The following NEK7 variants were observed in gnomAD, a reference collection of about 807,000 sequenced individuals.
NEK7 encodes NIMA related kinase 7.
In NEK7, 18 loss-of-function variants were observed where a neutral mutation model predicts 44.6. The ratio of observed to expected loss-of-function variants is 0.40; its 90% CI spans 0.28 to 0.60. The LOEUF is 0.60. Ranked by LOEUF, NEK7 falls within the 20% of genes least tolerant of loss-of-function variation. The probability of loss-of-function intolerance (pLI) is 0.38; values close to 1 mark genes in which losing one functional copy is unlikely to be tolerated. For synonymous variants in NEK7, 130 were observed against 121.1 expected, an observed-to-expected ratio of 1.07 and a Z score of -0.48; for missense variants, 256 against 366.5, an observed-to-expected ratio of 0.70 and a Z score of 2.46.
chr1:198,216,850 TTA>T (rs1226060972), intron 1 of NEK7, among the ~76,000 whole-genome samples: 1 of 151,828 alleles, frequency 6.6e-6, no homozygotes, highest in Non-Finnish European at 1.5e-5. Context: ...AAATTGATAA[TTA>T]TCAATTTCCT....
At chr1:198,250,364 C>G (rs1340460550) in intron 2 of NEK7, among the ~76,000 whole-genome samples, 1 of 152,072 alleles carries the variant, frequency 6.6e-6, no homozygotes, top group Non-Finnish European at 1.5e-5. Context: ...GCGATGCGGG[C>G]TCTTTTTTGG....
chr1:198,318,298 C>T (rs1289678681), intron 9 of NEK7, among the ~76,000 whole-genome samples: 1 of 152,296 alleles, frequency 6.6e-6, no homozygotes, highest in Non-Finnish European at 1.5e-5. Context: ...TTTCACTGTA[C>T]TCCTTACCAA....
chr1:198,190,074 A>G (rs1665030326), intron 1 of NEK7, among the ~76,000 whole-genome samples: 1 of 152,150 alleles, frequency 6.6e-6, no homozygotes, highest in South Asian at 2.1e-4. Flanking sequence ...TATTTGAAAC[A>G]CATGAAACAG....
At chr1:198,195,226 C>T (rs909304739) in intron 1 of NEK7, among the ~76,000 whole-genome samples, 2 of 152,014 alleles carry the variant, frequency 1.3e-5, no homozygotes, top group East Asian at 1.9e-4. Context: ...CAATAACTGA[C>T]ATGTAAGTAC....
chr1:198,303,357 G>A (rs1174071054), intron 9 of NEK7, among the ~76,000 whole-genome samples: 2 of 151,810 alleles, frequency 1.3e-5, no homozygotes, highest in African/African-American at 2.4e-5. Flanking sequence ...GTTTCAAACC[G>A]AATATTTATA....
chr1:198,219,757 A>G (rs1666032874), intron 1 of NEK7, among the ~76,000 whole-genome samples: 1 of 152,012 alleles, frequency 6.6e-6, no homozygotes, highest in South Asian at 2.1e-4. Flanking sequence ...TATTTTTGGC[A>G]GGAATATCAC....
chr1:198,291,148 G>C (rs1418236626), intron 7 of NEK7, among the ~76,000 whole-genome samples: 1 of 152,118 alleles, frequency 6.6e-6, no homozygotes, highest in Non-Finnish European at 1.5e-5. Flanking sequence ...CAGAGCTACT[G>C]GTTAAAATTA....
intron 9 of NEK7, among the ~76,000 whole-genome samples, chr1:198,315,330 C>T (rs1244928724): frequency 6.6e-6 from 1 of 152,230 alleles, no homozygotes; most frequent in East Asian, 1.9e-4. Flanking sequence ...CCTGCGCCCA[C>T]TGTCTGGCAC....
At chr1:198,184,662 A>T (rs1571509820) in intron 1 of NEK7, among the ~76,000 whole-genome samples, 1 of 152,062 alleles carries the variant, frequency 6.6e-6, no homozygotes, top group East Asian at 1.9e-4. Flanking sequence ...ACTTCCATTA[A>T]TGAAATCACA....
chr1:198,246,892 T>G (rs1172949927), intron 2 of NEK7, among the ~76,000 whole-genome samples: 1 of 152,224 alleles, frequency 6.6e-6, no homozygotes, highest in African/African-American at 2.4e-5. Flanking sequence ...GGAGAAGGAT[T>G]TATACTTATT....
chr1:198,267,232 T>C (rs1653681236), intron 5 of NEK7, among the ~76,000 whole-genome samples: 1 of 152,098 alleles, frequency 6.6e-6, no homozygotes, highest in Non-Finnish European at 1.5e-5. Flanking sequence ...CACTGTTATT[T>C]TAAACATATT....
Position 198,168,382 on chromosome 1 carries a change from G to A in NEK7, c.-29+11106G>A, listed in dbSNP as rs540917110. On this transcript the variant is annotated intron_variant, in intron 1 of 9. Coordinates refer to ENST00000367385, the MANE Select transcript of NEK7 (RefSeq NM_133494.3). Reference sequence around the variant, plus strand: ...TTAGTGTGTGGTCCCTGGCAGGGCAGTACTACCATTCCTAGGCCTTTTTTG... The same window carrying A: ...TTAGTGTGTGGTCCCTGGCAGGGCAATACTACCATTCCTAGGCCTTTTTTG... 5.9e-5 allele frequency among the ~76,000 whole-genome samples: 9 copies of A among 152,330 alleles called. No individual in the cohort carries two copies. In the South Asian group the frequency reaches 1.9e-3, roughly 32 times the overall value.
chr1:198,299,744 C>CT (rs1289575336), intron 9 of NEK7, among the ~76,000 whole-genome samples: 1 of 152,190 alleles, frequency 6.6e-6, no homozygotes, highest in Non-Finnish European at 1.5e-5. Flanking sequence ...CATGAGAATA[C>CT]TAGCCATACC....
intron 7 of NEK7, among the ~76,000 whole-genome samples, chr1:198,281,320 T>C (rs148473509): frequency 6.6e-6 from 1 of 152,184 alleles, no homozygotes; most frequent in Non-Finnish European, 1.5e-5. Flanking sequence ...TGAAAAGTAA[T>C]TGAAAACGTG....
chr1:198,310,624 G>T (rs1045463108), intron 9 of NEK7, among the ~76,000 whole-genome samples: 1 of 151,766 alleles, frequency 6.6e-6, no homozygotes, highest in East Asian at 1.9e-4. Context: ...TTTGTATAAG[G>T]TGTAAGGAAG....
intron 1 of NEK7, among the ~76,000 whole-genome samples, chr1:198,160,565 A>C (rs1664074868): frequency 6.6e-6 from 1 of 152,204 alleles, no homozygotes; most frequent in African/African-American, 2.4e-5. Context: ...AATGCCATGT[A>C]TGATTACTGT....
In NEK7 at chr1:198,276,669, A is replaced by G. The variant is rs187526753; in HGVS notation, c.373-1292A>G. 1.4e-3 allele frequency among the ~76,000 whole-genome samples: 208 copies of G among 151,894 alleles called. 3 individuals are homozygous for G. Among genetic ancestry groups the G allele is most frequent in the Non-Finnish European group, 5.3e-4 (36 of 67,752 alleles). ...TTTGGGATGTAATGTTACTGATATA[A>G]TAACTATTGAAATTGCTAATAAATT... On this transcript the variant is annotated intron_variant, in intron 5 of 9. Coordinates refer to ENST00000367385, the MANE Select transcript of NEK7 (RefSeq NM_133494.3).
intron 1 of NEK7, among the ~76,000 whole-genome samples, chr1:198,166,839 C>A (rs1193696509): frequency 6.6e-6 from 1 of 152,114 alleles, no homozygotes; most frequent in African/African-American, 2.4e-5. Flanking sequence ...ATGGAGTGAG[C>A]ACATGCTATT....
intron 1 of NEK7, among the ~76,000 whole-genome samples, chr1:198,167,760 T>A (rs1304674278): frequency 6.6e-6 from 1 of 152,220 alleles, no homozygotes; most frequent in Non-Finnish European, 1.5e-5. Context: ...GTTTCACAGC[T>A]CGACTGCACC....
Sources: allele counts gnomAD v4.1 joint callset (sites outside exome capture counted in the v4.1 genomes callset), GRCh38; gene constraint gnomAD v4.1.1; transcripts MANE v1.5; gene names NCBI Gene and HGNC (gene_info 2026-07-23, HGNC 2026-07-21).